The following RARB variants were observed in gnomAD, a reference collection of about 807,000 sequenced individuals.
RARB encodes retinoic acid receptor beta.
In RARB, 17 loss-of-function variants were observed where a neutral mutation model predicts 51.9. That is an observed-to-expected ratio of 0.33 (90% CI 0.22 to 0.49). The LOEUF (loss-of-function observed/expected upper bound fraction) is 0.49, where lower values mean the gene tolerates loss of function less well. Among genes scored for constraint, RARB ranks in the 20% least tolerant of loss-of-function variants. RARB has a pLI of 0.99. For synonymous variants in RARB, 215 were observed against 195.4 expected, an observed-to-expected ratio of 1.10 and a Z score of -0.84; for missense variants, 369 against 550.8, an observed-to-expected ratio of 0.67 and a Z score of 3.30.
At chr3:25,317,298 G>A (rs1278657409) in intron 5 of RARB, among the ~76,000 whole-genome samples, 2 of 152,078 alleles carry the variant, frequency 1.3e-5, no homozygotes, top group East Asian at 3.9e-4. Context: ...AGAGAGGAAG[G>A]AAGGGAGGAA....
chr3:25,596,195 A>G (rs1529099), intron 7 of RARB, among the ~76,000 whole-genome samples: 5,115 of 152,280 alleles, frequency 0.034, 247 homozygotes, highest in African/African-American at 0.11. Flanking sequence ...TTTTTGGTGG[A>G]TGCAGTTCCC....
At chr3:25,337,224 A>G (rs998004581) in intron 5 of RARB, among the ~76,000 whole-genome samples, 5 of 152,158 alleles carry the variant, frequency 3.3e-5, no homozygotes, top group Non-Finnish European at 5.9e-5. Context: ...CCACCCCCAC[A>G]AAAAAGTTAG....
In RARB at chr3:25,354,370, T is replaced by C. The variant is rs1705667298; in HGVS notation, c.179-106823T>C. On this transcript the variant is annotated intron_variant, in intron 5 of 11. Coordinates refer to the RARB transcript ENST00000383772. ...CAGGTTATGATTGTGTGTACCCTGATGGTATGTTTTTCCTGTCTGGAATTT... is the reference window on the plus strand; with the variant it reads ...CAGGTTATGATTGTGTGTACCCTGACGGTATGTTTTTCCTGTCTGGAATTT... Among the ~76,000 whole-genome samples the C allele has an allele frequency of 2.6e-5, 4 of 152,138 alleles. No individual in the cohort carries two copies. In the South Asian group the frequency reaches 8.3e-4, roughly 32 times the overall value.
At chr3:25,286,585 C>T (rs2125419146) in intron 5 of RARB, among the ~76,000 whole-genome samples, 1 of 152,322 alleles carries the variant, frequency 6.6e-6, no homozygotes, top group South Asian at 2.1e-4. Flanking sequence ...TCAGTTGCTT[C>T]TCACTACCTA....
At chr3:25,377,452 T>A (rs183340389) in intron 5 of RARB, among the ~76,000 whole-genome samples, 41 of 152,326 alleles carry the variant, frequency 2.7e-4, no homozygotes, top group African/African-American at 9.4e-4. Context: ...ACTGTGTAGG[T>A]CAGATACTTC....
At chr3:25,025,430 C>T (rs1245176617) in intron 2 of RARB, among the ~76,000 whole-genome samples, 1 of 152,098 alleles carries the variant, frequency 6.6e-6, no homozygotes, top group Admixed American at 6.6e-5. Context: ...CCTGGGGGAC[C>T]TACATTTCTG....
chr3:25,474,712 C>T (rs946631660), intron 2 of RARB, among the ~76,000 whole-genome samples: 3 of 152,108 alleles, frequency 2.0e-5, no homozygotes, highest in African/African-American at 7.2e-5. Context: ...CATTCCAATA[C>T]CAAAACGTAG....
intron 5 of RARB, among the ~76,000 whole-genome samples, chr3:25,402,084 T>G (rs372558174): frequency 6.6e-6 from 1 of 152,130 alleles, no homozygotes; most frequent in Non-Finnish European, 1.5e-5. Flanking sequence ...CCTGAAAATT[T>G]TCAACATATA....
intron 3 of RARB, among the ~76,000 whole-genome samples, chr3:25,064,311 C>G (rs1186534525): frequency 6.6e-6 from 1 of 151,988 alleles, no homozygotes; most frequent in South Asian, 2.1e-4. Flanking sequence ...CAAAAGAGAT[C>G]TCTCAATTTT....
chr3:25,156,768 T>C (rs1700382101), intron 4 of RARB, among the ~76,000 whole-genome samples: 2 of 152,158 alleles, frequency 1.3e-5, no homozygotes, highest in African/African-American at 4.8e-5. Context: ...GCTGATTATT[T>C]TTTTCCCTCC....
chr3:25,578,411 G>A (rs566072426), intron 4 of RARB, among the ~76,000 whole-genome samples: 5 of 152,324 alleles, frequency 3.3e-5, no homozygotes, highest in East Asian at 3.9e-4. Context: ...GCCCTGGCGC[G>A]TGATAAAGTT....
intron 3 of RARB, among the ~76,000 whole-genome samples, chr3:25,075,312 C>T (rs1406773462): frequency 1.3e-5 from 2 of 152,090 alleles, no homozygotes; most frequent in Non-Finnish European, 2.9e-5. Flanking sequence ...AAAAATTGTC[C>T]TTCAATCTCT....
intron 2 of RARB, among the ~76,000 whole-genome samples, chr3:24,987,902 C>T (rs951247509): frequency 6.6e-6 from 1 of 152,100 alleles, no homozygotes; most frequent in Non-Finnish European, 1.5e-5. Context: ...CAAAATAACA[C>T]CAACAAGAAA....
At chr3:25,131,786 GTTC>G (rs1211833297) in intron 3 of RARB, among the ~76,000 whole-genome samples, 7 of 151,874 alleles carry the variant, frequency 4.6e-5, no homozygotes, top group South Asian at 2.1e-4. Context: ...AAGATTGATA[GTTC>G]TTCTCCCCAC....
chr3:25,143,280 G>A (rs1403040937), intron 4 of RARB, among the ~76,000 whole-genome samples: 1 of 152,202 alleles, frequency 6.6e-6, no homozygotes, highest in Admixed American at 6.5e-5. Context: ...TTCTGACAGT[G>A]TAGGATGAAG....
intron 2 of RARB, among the ~76,000 whole-genome samples, chr3:24,930,273 T>C (rs964040212): frequency 1.2e-4 from 18 of 152,092 alleles, no homozygotes; most frequent in African/African-American, 4.1e-4. Flanking sequence ...AGTCTTATTC[T>C]TTTATGATTC....
intron 5 of RARB, among the ~76,000 whole-genome samples, chr3:25,336,416 G>T (rs1370071477): frequency 1.3e-5 from 2 of 152,066 alleles, no homozygotes; most frequent in African/African-American, 4.8e-5. Flanking sequence ...CAAGGCACTT[G>T]TTAATAAAAT....
intron 5 of RARB, among the ~76,000 whole-genome samples, chr3:25,191,795 G>C (rs147794135): frequency 5.5e-4 from 83 of 152,192 alleles, no homozygotes; most frequent in African/African-American, 1.8e-3. Context: ...GTGTTACAAG[G>C]CACAGTAGTT....
intron 2 of RARB, among the ~76,000 whole-genome samples, chr3:25,057,707 T>G (rs973596243): frequency 6.6e-6 from 1 of 152,054 alleles, no homozygotes; most frequent in African/African-American, 2.4e-5. Context: ...GCTTGCTTTT[T>G]TATTTTAAGA....
Sources: gnomAD v4.1 joint callset for allele counts (sites outside exome capture counted in the v4.1 genomes callset) on GRCh38, gnomAD v4.1.1 for gene constraint, MANE v1.5 for transcripts, NCBI Gene and HGNC (gene_info 2026-07-23, HGNC 2026-07-21) for gene names.